Variants in ADGRL2 observed in about 807,000 individuals in gnomAD.
ADGRL2 encodes adhesion G protein-coupled receptor L2.
In ADGRL2, 44 loss-of-function variants were observed where a neutral mutation model predicts 157.4. The observed-to-expected ratio is 0.28, with a 90% CI of 0.22 to 0.36. The LOEUF is 0.36. ADGRL2 is among the 10% of genes least tolerant of loss of function. The pLI is 1.00. For missense variants in ADGRL2, 1,510 were observed against 1,768.9 expected (o/e 0.85, Z 2.63); for synonymous variants, 585 against 624.7 (o/e 0.94, Z 0.95).
At chr1:81,828,661 A>C (rs1448302474) in intron 1 of ADGRL2, among the ~76,000 whole-genome samples, 1 of 152,074 alleles carries the variant, frequency 6.6e-6, no homozygotes, top group Non-Finnish European at 1.5e-5. Flanking sequence ...GTTATTTGAA[A>C]TTTTAATAGG....
intron 2 of ADGRL2, among the ~76,000 whole-genome samples, chr1:81,905,468 CA>C (rs1257337950): frequency 3.3e-5 from 5 of 152,158 alleles, no homozygotes; most frequent in Non-Finnish European, 7.4e-5. Context: ...AAAACGGTAA[CA>C]CACTCAACTA....
chr1:81,594,897 T>A (rs1445630645), intron 3 of ADGRL2, among the ~76,000 whole-genome samples: 1 of 152,232 alleles, frequency 6.6e-6, no homozygotes, highest in Non-Finnish European at 1.5e-5. Context: ...ATAGAATAAG[T>A]CACAACTAGT....
chr1:81,865,506 C>T (rs1195310696), intron 2 of ADGRL2, among the ~76,000 whole-genome samples: 1 of 152,232 alleles, frequency 6.6e-6, no homozygotes, highest in Non-Finnish European at 1.5e-5. Flanking sequence ...AGGAGCCTAC[C>T]TATTCTAGAA....
intron 3 of ADGRL2, among the ~76,000 whole-genome samples, chr1:81,662,510 C>T (rs2082672101): frequency 6.6e-6 from 1 of 151,520 alleles, no homozygotes; most frequent in Non-Finnish European, 1.5e-5. Flanking sequence ...TCCCAAAGTG[C>T]TGGGATTACA....
chr1:81,949,648 A>G (rs1651099243), intron 6 of ADGRL2, among the ~76,000 whole-genome samples: 1 of 152,212 alleles, frequency 6.6e-6, no homozygotes, highest in Non-Finnish European at 1.5e-5. Context: ...GGATCTAATC[A>G]GGCATGCTGA....
rs1445879763 is a variant in ADGRL2 at position 81,518,514 on chromosome 1, CT to C, written c.-247-62360del. On this transcript the variant is annotated intron_variant, in intron 2 of 24. Coordinates refer to the ADGRL2 transcript ENST00000370721. ...TGCAGGCTACTTCTCAGGTGAGAGT[CT>C]TCTGACTTGATGTTAAGATAGCGGA... Among the ~76,000 whole-genome samples the C allele has an allele frequency of 1.5e-4, 23 of 152,310 alleles. 1 individual carries two copies. Among genetic ancestry groups the C allele is most frequent in the Admixed American group, 3.3e-4 (5 of 15,306 alleles).
chr1:81,525,381 G>A (rs970291539), intron 2 of ADGRL2, among the ~76,000 whole-genome samples: 1 of 151,914 alleles, frequency 6.6e-6, no homozygotes, highest in African/African-American at 2.4e-5. Flanking sequence ...GCAGTGGTGC[G>A]ATCCCGGCTC....
At chr1:81,527,929 C>A (rs929020506) in intron 2 of ADGRL2, among the ~76,000 whole-genome samples, 9 of 149,572 alleles carry the variant, frequency 6.0e-5, no homozygotes, top group Admixed American at 2.0e-4. Context: ...TAGCCGGGTG[C>A]GGTTGCATGC....
At chr1:81,977,694 GA>G (rs1169549561) in intron 17 of ADGRL2, among the ~76,000 whole-genome samples, 1 of 151,344 alleles carries the variant, frequency 6.6e-6, no homozygotes, top group Non-Finnish European at 1.5e-5. Context: ...TTTCTTTCCA[GA>G]ATGTTTTAGT....
At chr1:81,655,065 G>A (rs1449662827) in intron 3 of ADGRL2, among the ~76,000 whole-genome samples, 3 of 152,142 alleles carry the variant, frequency 2.0e-5, no homozygotes, top group East Asian at 1.9e-4. Context: ...GCCCCCCTGC[G>A]ATGGGGGTCC....
chr1:81,340,041 G>A (rs1661953413), intron 1 of ADGRL2, among the ~76,000 whole-genome samples: 1 of 152,254 alleles, frequency 6.6e-6, no homozygotes, highest in East Asian at 1.9e-4. Context: ...GTTTCTGGAA[G>A]AGTATATCAC....
chr1:81,320,666 T>A (rs1660440792), intron 1 of ADGRL2, among the ~76,000 whole-genome samples: 1 of 152,258 alleles, frequency 6.6e-6, no homozygotes, highest in Admixed American at 6.5e-5. Context: ...GCTTCTTTTC[T>A]GAGCAGTGGG....
chr1:81,893,246 C>T (rs551513499), intron 2 of ADGRL2, among the ~76,000 whole-genome samples: 2 of 151,434 alleles, frequency 1.3e-5, no homozygotes, highest in Non-Finnish European at 3.0e-5. Context: ...CATTATAAAT[C>T]AGATTCATCT....
At chr1:81,437,802 G>T (rs1236049786) in intron 1 of ADGRL2, among the ~76,000 whole-genome samples, 1 of 152,152 alleles carries the variant, frequency 6.6e-6, no homozygotes, top group Non-Finnish European at 1.5e-5. Flanking sequence ...CTAAAGAGGA[G>T]GTTGCATGAC....
In ADGRL2 at chr1:81,836,962, G is replaced by A; in HGVS notation, c.-23G>A. On this transcript the variant is annotated 5_prime_UTR_variant, in exon 2 of 24. Coordinates refer to ENST00000686636, the MANE Select transcript of ADGRL2 (RefSeq NM_001366006.2). ...AACTAGATTCATTAAGGAATACAAA[G>A]AAAATACTTAAAGGGATCAATAATG... The A allele has an allele frequency of 6.7e-7, 1 of 1,490,270 alleles. No individual in the cohort carries two copies. The highest frequency in any genetic ancestry group is 1.2e-5 in the South Asian group (1 of 81,194). 92.3% of individuals were successfully genotyped at this position (1,490,270 alleles called of 1,614,324 possible).
At chr1:81,387,193 T>C (rs1249968847) in intron 1 of ADGRL2, among the ~76,000 whole-genome samples, 1 of 152,176 alleles carries the variant, frequency 6.6e-6, no homozygotes, top group African/African-American at 2.4e-5. Context: ...GTGAAAACAC[T>C]TGGACTTGTA....
chr1:81,851,038 CA>C (rs2092987962), intron 2 of ADGRL2, among the ~76,000 whole-genome samples: 1 of 151,714 alleles, frequency 6.6e-6, no homozygotes. Flanking sequence ...AATGATCACC[CA>C]AAAACCAATA....
At chr1:81,889,230 T>G (rs2094203443) in intron 2 of ADGRL2, among the ~76,000 whole-genome samples, 1 of 152,240 alleles carries the variant, frequency 6.6e-6, no homozygotes, top group African/African-American at 2.4e-5. Flanking sequence ...TATCAAAAGC[T>G]TAGACAGAAC....
intron 1 of ADGRL2, among the ~76,000 whole-genome samples, chr1:81,307,722 T>C (rs1659444297): frequency 6.6e-6 from 1 of 152,138 alleles, no homozygotes; most frequent in Non-Finnish European, 1.5e-5. Flanking sequence ...AATCTTACAT[T>C]TCATCTTCTA....
Sources: allele counts gnomAD v4.1 joint callset (sites outside exome capture counted in the v4.1 genomes callset), GRCh38; gene constraint gnomAD v4.1.1; transcripts MANE v1.5; gene names NCBI Gene and HGNC (gene_info 2026-07-23, HGNC 2026-07-21).